Variants in TCF12 observed in about 807,000 individuals in gnomAD.
TCF12 encodes transcription factor 12.
Under a neutral mutation model 86.0 loss-of-function variants are expected in TCF12, and 45 were observed. The ratio of observed to expected loss-of-function variants is 0.52; its 90% CI spans 0.41 to 0.67. The LOEUF (loss-of-function observed/expected upper bound fraction) is 0.67. Among genes scored for constraint, TCF12 ranks in the 30% least tolerant of loss-of-function variants. The probability of loss-of-function intolerance (pLI) is 0.00; values close to 1 mark genes in which losing one functional copy is unlikely to be tolerated. For synonymous variants in TCF12, 330 were observed against 299.6 expected (o/e 1.10, Z -1.05); for missense variants, 881 against 859.9 (o/e 1.02, Z -0.31).
At chr15:57,154,222 G>T (rs1362535456) in intron 5 of TCF12, among the ~76,000 whole-genome samples, 1 of 152,108 alleles carries the variant, frequency 6.6e-6, no homozygotes, top group Non-Finnish European at 1.5e-5. Context: ...ATAATTTTAA[G>T]AATAGGGTCT....
intron 5 of TCF12, among the ~76,000 whole-genome samples, chr15:57,094,855 C>T (rs2049216555): frequency 6.6e-6 from 1 of 152,050 alleles, no homozygotes. Flanking sequence ...AGCACATTTG[C>T]CTGAAGAAAC....
chr15:56,934,692 T>C (rs1292154961), intron 3 of TCF12, among the ~76,000 whole-genome samples: 3 of 152,180 alleles, frequency 2.0e-5, no homozygotes, highest in Non-Finnish European at 4.4e-5. Flanking sequence ...TATGCGATTG[T>C]ATTGTTTACA....
intron 3 of TCF12, among the ~76,000 whole-genome samples, chr15:56,938,210 C>T (rs1420642927): frequency 4.6e-5 from 7 of 150,644 alleles, no homozygotes; most frequent in Non-Finnish European, 1.0e-4. Context: ...TGCCAGGCTG[C>T]AGTGCAGTGG....
At chr15:56,953,095 A>G (rs550773085) in intron 3 of TCF12, among the ~76,000 whole-genome samples, 1 of 152,050 alleles carries the variant, frequency 6.6e-6, no homozygotes, top group East Asian at 1.9e-4. Flanking sequence ...TTCTCTGTCT[A>G]TTGAGATTGT....
At chr15:56,943,349 A>T (rs1335819783) in intron 3 of TCF12, among the ~76,000 whole-genome samples, 1 of 152,206 alleles carries the variant, frequency 6.6e-6, no homozygotes, top group Non-Finnish European at 1.5e-5. Flanking sequence ...AAAAAAGAAG[A>T]GCATTAGCAT....
chr15:57,065,482 A>G (rs1248840737), intron 4 of TCF12, among the ~76,000 whole-genome samples: 1 of 152,172 alleles, frequency 6.6e-6, no homozygotes, highest in Non-Finnish European at 1.5e-5. Flanking sequence ...TGTAGTGGGA[A>G]ACTCACAGTA....
intron 3 of TCF12, among the ~76,000 whole-genome samples, chr15:56,928,750 T>C (rs1479010231): frequency 1.3e-5 from 2 of 152,230 alleles, no homozygotes; most frequent in Non-Finnish European, 2.9e-5. Context: ...TCACCGCCAC[T>C]TGAATGTAGC....
chr15:57,260,800 A>G (rs541451436), intron 16 of TCF12, among the ~76,000 whole-genome samples: 1 of 152,298 alleles, frequency 6.6e-6, no homozygotes, highest in East Asian at 1.9e-4. Context: ...GTAAGAAAGC[A>G]CCCTCATTCG....
chr15:57,245,989 G>A (rs888917182), intron 13 of TCF12, among the ~76,000 whole-genome samples: 1 of 151,374 alleles, frequency 6.6e-6, no homozygotes, highest in Non-Finnish European at 1.5e-5. Context: ...AGAAAGGAAA[G>A]CACTGTGTGA....
chr15:57,154,481 C>T (rs373625188), intron 5 of TCF12, among the ~76,000 whole-genome samples: 4 of 152,310 alleles, frequency 2.6e-5, no homozygotes, highest in African/African-American at 9.6e-5. Flanking sequence ...AGATTATATT[C>T]AAACATATCT....
intron 3 of TCF12, among the ~76,000 whole-genome samples, chr15:57,053,565 A>C (rs1282137782): frequency 6.6e-6 from 1 of 151,256 alleles, no homozygotes; most frequent in Non-Finnish European, 1.5e-5. Context: ...TGAGGTGCTT[A>C]ACAGGATCAG....
rs985212005 is a variant in TCF12 at position 57,009,115 on chromosome 15, T to G, written c.149-54635T>G. Among the ~76,000 whole-genome samples the G allele has an allele frequency of 1.2e-4, 18 of 152,196 alleles. 1 individual carries two copies. Among genetic ancestry groups the G allele is most frequent in the Non-Finnish European group, 2.2e-4 (15 of 68,022 alleles). On this transcript the variant is annotated intron_variant, in intron 3 of 20. Transcript: ENST00000333725. ...CTATGAAAATTTGGTCCTGCTTTTT[T>G]GTTGTTGTTTTGAGAGAGGGTCCTT... is the stretch of plus-strand genomic sequence containing the variant.
chr15:57,002,593 C>T (rs1366379541), intron 3 of TCF12, among the ~76,000 whole-genome samples: 3 of 152,154 alleles, frequency 2.0e-5, no homozygotes, highest in South Asian at 4.1e-4. Flanking sequence ...AGACAGTTAT[C>T]GGTCAAGCAT....
intron 16 of TCF12, among the ~76,000 whole-genome samples, chr15:57,261,036 C>T (rs968759006): frequency 2.6e-5 from 4 of 151,964 alleles, no homozygotes; most frequent in Non-Finnish European, 5.9e-5. Flanking sequence ...GGTCCCTTCC[C>T]AGCTTTAAGG....
intron 4 of TCF12, among the ~76,000 whole-genome samples, chr15:57,088,237 A>C (rs1352937864): frequency 6.6e-6 from 1 of 152,132 alleles, no homozygotes; most frequent in Non-Finnish European, 1.5e-5. Flanking sequence ...GGAAGTTACT[A>C]CATTATTTTG....
intron 4 of TCF12, among the ~76,000 whole-genome samples, chr15:57,076,343 T>C (rs533311575): frequency 1.2e-4 from 18 of 152,222 alleles, no homozygotes; most frequent in African/African-American, 3.9e-4. Flanking sequence ...TAGGTTGTAG[T>C]AAATGATAAA....
rs749265799 is a variant in TCF12 at position 57,063,739 on chromosome 15, TC to T, written c.149-10del. On this transcript the variant is annotated splice_polypyrimidine_tract_variant and intron_variant, in intron 3 of 20. Coordinates refer to ENST00000333725, the MANE Select transcript of TCF12 (RefSeq NM_207037.2). ...TTTTTAGATATATCTTTTATTTTCT[TC>T]TCTTTTTAGGTATTGATGAAAGAGG... The T allele has an allele frequency of 1.9e-6, 3 of 1,590,206 alleles. No homozygotes were observed. Among genetic ancestry groups the T allele is most frequent in the Non-Finnish European group, 2.6e-6 (3 of 1,162,152 alleles).
At chr15:57,275,363 T>TGTGTGTGTGTGTGTGTGTAC (rs1251014250) in intron 19 of TCF12, among the ~76,000 whole-genome samples, 1 of 147,350 alleles carries the variant, frequency 6.8e-6, no homozygotes, top group Non-Finnish European at 1.5e-5. Context: ...TGTGTGTGTG[T>TGTGTGTGTGTGTGTGTGTAC]ACGTATGTAG....
At chr15:57,187,031 A>T (rs1171828669) in intron 6 of TCF12, among the ~76,000 whole-genome samples, 1 of 152,104 alleles carries the variant, frequency 6.6e-6, no homozygotes, top group African/African-American at 2.4e-5. Context: ...AAATACAAAA[A>T]TTAGCCAGGC....
Sources: allele counts gnomAD v4.1 joint callset (sites outside exome capture counted in the v4.1 genomes callset), GRCh38; gene constraint gnomAD v4.1.1; transcripts MANE v1.5; gene names NCBI Gene and HGNC (gene_info 2026-07-23, HGNC 2026-07-21).